PTPRM: variants seen among roughly 807,000 people sequenced by gnomAD.
PTPRM encodes protein tyrosine phosphatase receptor type M, also known as receptor-type tyrosine-protein phosphatase mu.
PTPRM carries 47 observed loss-of-function variants against 186.7 expected under a neutral mutation model. The observed-to-expected ratio is 0.25, with a 90% CI of 0.20 to 0.32. The LOEUF (loss-of-function observed/expected upper bound fraction) is 0.32. Ranked by LOEUF, PTPRM falls within the 10% of genes least tolerant of loss-of-function variation. PTPRM has a pLI of 1.00. For missense variants in PTPRM, 1,494 were observed against 1,865.0 expected (o/e 0.80, Z 3.66); for synonymous variants, 668 against 674.9 (o/e 0.99, Z 0.16).
At chr18:7,666,444 A>G (rs1474009924) in intron 1 of PTPRM, among the ~76,000 whole-genome samples, 1 of 152,230 alleles carries the variant, frequency 6.6e-6, no homozygotes, top group Non-Finnish European at 1.5e-5. Context: ...TGCTTTTGCT[A>G]GCATAAACAC....
chr18:8,348,999 C>A (rs1439823797), intron 23 of PTPRM, among the ~76,000 whole-genome samples: 5 of 152,134 alleles, frequency 3.3e-5, no homozygotes, highest in Non-Finnish European at 2.9e-5. Context: ...ATTTTCCACC[C>A]AAGGAGCCTG....
chr18:8,025,396 C>T (rs2148005678), intron 7 of PTPRM, among the ~76,000 whole-genome samples: 1 of 152,270 alleles, frequency 6.6e-6, no homozygotes, highest in Admixed American at 6.5e-5. Flanking sequence ...AAGGTTATGA[C>T]TGGGGGGATG....
intron 5 of PTPRM, 53 bp downstream of exon 5, chr18:7,926,736 T>TCC (rs2051194882): frequency 2.9e-6 from 4 of 1,383,458 alleles, no homozygotes; most frequent in Non-Finnish European, 4.0e-6. Context: ...AAGAATACAC[T>TCC]CCCCCTGGAG....
At chr18:7,571,590 A>C (rs2036567754) in intron 1 of PTPRM, among the ~76,000 whole-genome samples, 1 of 152,244 alleles carries the variant, frequency 6.6e-6, no homozygotes, top group Admixed American at 6.5e-5. Flanking sequence ...ATATAGACTT[A>C]GCTCTTTGTT....
Position 8,384,496 on chromosome 18 carries a change from A to C in PTPRM, c.3919-65A>C, listed in dbSNP as rs1253175678. ...ATTACTGAGTGTCAATACTAACCTT[A>C]TCCAAACTGTTAGGAGTAAATTTCC... On this transcript the variant is annotated intron_variant, in intron 29 of 32. Transcript: ENST00000580170. The C allele has an allele frequency of 3.2e-6, 5 of 1,579,778 alleles. No individual in the cohort carries two copies. In the African/African-American group the frequency reaches 4.0e-5, roughly 13 times the overall value.
chr18:8,054,551 A>G (rs540084956), intron 7 of PTPRM, among the ~76,000 whole-genome samples: 155 of 151,832 alleles, frequency 1.0e-3, no homozygotes, highest in Non-Finnish European at 2.0e-3. Context: ...TGCATACTTA[A>G]AGTTTATAGT....
At chr18:7,863,330 C>T (rs1191324051) in intron 2 of PTPRM, among the ~76,000 whole-genome samples, 1 of 152,112 alleles carries the variant, frequency 6.6e-6, no homozygotes, top group African/African-American at 2.4e-5. Flanking sequence ...AGATATTTCT[C>T]CTAATGCTAT....
chr18:8,348,962 A>C (rs553525277), intron 23 of PTPRM, among the ~76,000 whole-genome samples: 2 of 152,314 alleles, frequency 1.3e-5, no homozygotes, highest in East Asian at 3.9e-4. Context: ...GGGGATGGGA[A>C]GAAACCACCT....
At chr18:8,334,459 T>C (rs539139347) in intron 22 of PTPRM, among the ~76,000 whole-genome samples, 2 of 152,128 alleles carry the variant, frequency 1.3e-5, no homozygotes, top group South Asian at 2.1e-4. Context: ...CCCCCTGCCC[T>C]ATAGGCTCTG....
chr18:7,715,075 T>A (rs2040297165), intron 1 of PTPRM, among the ~76,000 whole-genome samples: 1 of 152,194 alleles, frequency 6.6e-6, no homozygotes, highest in African/African-American at 2.4e-5. Flanking sequence ...TTCAGGCCAG[T>A]ATGCCTGATG....
intron 19 of PTPRM, among the ~76,000 whole-genome samples, chr18:8,284,515 A>G (rs1050150997): frequency 6.6e-6 from 1 of 152,172 alleles, no homozygotes; most frequent in Admixed American, 6.5e-5. Flanking sequence ...AGGAGTTTTT[A>G]ACATTTGGGG....
At chr18:7,992,116 G>A (rs536071456) in intron 7 of PTPRM, among the ~76,000 whole-genome samples, 2 of 152,236 alleles carry the variant, frequency 1.3e-5, no homozygotes, top group South Asian at 4.1e-4. Flanking sequence ...ACCGTGCCCT[G>A]AGTGGGTAGG....
At chr18:7,894,512 G>T (rs2049246906) in intron 3 of PTPRM, among the ~76,000 whole-genome samples, 1 of 152,018 alleles carries the variant, frequency 6.6e-6, no homozygotes, top group Non-Finnish European at 1.5e-5. Context: ...CGTGAACCTG[G>T]CAGGCAGAGC....
At chr18:7,623,707 G>T (rs182111453) in intron 1 of PTPRM, among the ~76,000 whole-genome samples, 10 of 152,150 alleles carry the variant, frequency 6.6e-5, no homozygotes, top group Admixed American at 4.6e-4. Flanking sequence ...AACAGTTCAG[G>T]TAAGAGGCCT....
chr18:7,772,122 C>A (rs1030910677), intron 1 of PTPRM, among the ~76,000 whole-genome samples: 18 of 152,168 alleles, frequency 1.2e-4, no homozygotes, highest in Non-Finnish European at 8.8e-5. Flanking sequence ...GGCCTGTAAA[C>A]CTTTTAGTAG....
In PTPRM at chr18:7,895,945, T is replaced by C. The variant is rs115325091; in HGVS notation, c.468+7568T>C. ...TTGCCACAGTAGTCATTTTGTGTAG[T>C]TTTTACTATTTATGGTAGAATAGTA... On this transcript the variant is annotated intron_variant, in intron 3 of 32. Transcript: ENST00000580170. 8.6e-3 allele frequency among the ~76,000 whole-genome samples: 1,308 copies of C among 152,316 alleles called. 22 individuals are homozygous for C. Among genetic ancestry groups the C allele is most frequent in the African/African-American group, 0.03 (1,244 of 41,568 alleles).
intron 32 of PTPRM, among the ~76,000 whole-genome samples, chr18:8,396,335 T>G (rs1274965289): frequency 2.0e-5 from 3 of 152,238 alleles, no homozygotes; most frequent in East Asian, 1.9e-4. Context: ...GCCTCGAGAC[T>G]CTGGTTGGTA....
chr18:8,240,669 G>C (rs61033045), intron 14 of PTPRM, among the ~76,000 whole-genome samples: 26,302 of 97,518 alleles, frequency 0.27, 4,920 homozygotes, highest in Middle Eastern at 0.46. Context: ...AAGAAAGAAA[G>C]AAAGAAAGAA....
rs1413455622 is a variant in PTPRM at position 8,247,868 on chromosome 18, A to G, written c.2476A>G (p.Thr826Ala). 1 of 1,606,230 alleles carries G rather than the reference A, an allele frequency of 6.2e-7. No individual in the cohort carries two copies. The highest frequency in any genetic ancestry group is 8.5e-7 in the Non-Finnish European group (1 of 1,172,820). ...AGCTGTGTCTTCACCATCGTCCTTCACAATGAAAACAAATACACTGAGCAC... is the reference window on the plus strand; with the variant it reads ...AGCTGTGTCTTCACCATCGTCCTTCGCAATGAAAACAAATACACTGAGCAC... ...GRSVSSPSSF[T>A]MKTNTLSTSV... The change falls in exon 16 of 33, where the codon ACA becomes GCA. Residue 826 changes from threonine (T) to alanine (A), a missense_variant. Physicochemically the swap from Thr to Ala is moderately conservative, Grantham distance 58. Around this residue, in one of 3 missense-constraint regions of PTPRM, gnomAD observed 1,107 missense variants for 1,350.2 expected, o/e 0.82. Transcript: ENST00000580170.
Sources: gnomAD v4.1 joint callset for allele counts (sites outside exome capture counted in the v4.1 genomes callset) on GRCh38, gnomAD v4.1.1 for gene constraint, gnomAD v4.1.1 regional missense constraint, MANE v1.5 for transcripts, NCBI Gene and HGNC (gene_info 2026-07-23, HGNC 2026-07-21) for gene names.